The following DPY30 variants were observed in gnomAD, a reference collection of about 807,000 sequenced individuals.
The protein encoded by DPY30 is protein dpy-30 homolog.
Under a neutral mutation model 16.2 loss-of-function variants are expected in DPY30, and 6 were observed. The observed-to-expected ratio is 0.37, with a 90% CI of 0.20 to 0.73. DPY30 has a LOEUF of 0.73. Among genes scored for constraint, DPY30 ranks in the 30% least tolerant of loss-of-function variants. The pLI, the probability that DPY30 is intolerant of heterozygous loss-of-function variation, is 0.51. For synonymous variants in DPY30, 39 were observed against 38.8 expected, an observed-to-expected ratio of 1.00 and a Z score of -0.02; for missense variants, 73 against 113.1, an observed-to-expected ratio of 0.65 and a Z score of 1.61.
chr2:32,030,325 T>A (rs1318372774), intron 3 of DPY30, among the ~76,000 whole-genome samples: 1 of 151,978 alleles, frequency 6.6e-6, no homozygotes, highest in East Asian at 1.9e-4. Flanking sequence ...CAAAATCCAG[T>A]CTTTACCAAA....
chr2:32,035,943 A>G (rs1156323051), intron 3 of DPY30, among the ~76,000 whole-genome samples: 2 of 151,054 alleles, frequency 1.3e-5, no homozygotes, highest in African/African-American at 2.4e-5. Context: ...GAAGAAAAAA[A>G]AAAAAAAAAA....
At chr2:32,039,689 G>GT (rs771460862) in intron 1 of DPY30, 44 bp downstream of exon 1, 202 of 600,052 alleles carry the variant, frequency 3.4e-4, no homozygotes, top group Admixed American at 1.4e-3. Flanking sequence ...ACAGTCCCAA[G>GT]TACCTAGAAT....
chr2:32,017,383 A>G (rs74919520), intron 5 of DPY30, among the ~76,000 whole-genome samples: 22,925 of 151,640 alleles, frequency 0.15, 1,960 homozygotes, highest in African/African-American at 0.22. Flanking sequence ...TTGGGAGGCC[A>G]AGGCGGGCAG....
intron 5 of DPY30, among the ~76,000 whole-genome samples, chr2:32,018,640 T>A (rs1032075492): frequency 1.3e-5 from 2 of 151,726 alleles, no homozygotes; most frequent in Non-Finnish European, 2.9e-5. Flanking sequence ...GGCAGGAGAA[T>A]CACTTGAACC....
chr2:32,032,377 C>G (rs1049084415), intron 3 of DPY30, among the ~76,000 whole-genome samples: 1 of 152,208 alleles, frequency 6.6e-6, no homozygotes, highest in Non-Finnish European at 1.5e-5. Context: ...GCAGAAAACA[C>G]TATACAACTT....
intron 4 of DPY30, among the ~76,000 whole-genome samples, chr2:32,025,809 AAAC>A (rs914942492): frequency 9.2e-5 from 14 of 151,396 alleles, no homozygotes; most frequent in Non-Finnish European, 2.1e-4. Flanking sequence ...GGGAAAAAAA[AAAC>A]AACACCGTAC....
chr2:32,029,214 G>A (rs1675443834), intron 4 of DPY30, among the ~76,000 whole-genome samples: 1 of 152,174 alleles, frequency 6.6e-6, no homozygotes, highest in Non-Finnish European at 1.5e-5. Context: ...AGAGGTTGCA[G>A]TGAACGAGAT....
chr2:32,029,210 T>C (rs1421737530), intron 4 of DPY30, among the ~76,000 whole-genome samples: 1 of 152,114 alleles, frequency 6.6e-6, no homozygotes, highest in Non-Finnish European at 1.5e-5. Flanking sequence ...AGGTAGAGGT[T>C]GCAGTGAACG....
chr2:32,034,891 C>T (rs189923130), intron 3 of DPY30, among the ~76,000 whole-genome samples: 2 of 151,594 alleles, frequency 1.3e-5, no homozygotes, highest in South Asian at 2.1e-4. Context: ...TCCAGCTACT[C>T]GGGAGGCTGA....
intron 2 of DPY30, 46 bp downstream of exon 2, chr2:32,039,375 C>A: frequency 6.2e-7 from 1 of 1,614,186 alleles, no homozygotes. Context: ...CCCTTTCTCG[C>A]TGCCTCCCTG....
At chr2:32,011,677 C>A (rs979992308), downstream of DPY30, among the ~76,000 whole-genome samples, 1 of 152,200 alleles carries the variant, frequency 6.6e-6, no homozygotes, top group Non-Finnish European at 1.5e-5. Context: ...GTTATTGTTA[C>A]AAAGTACACC....
chr2:32,032,727 G>A lies in DPY30; in HGVS notation c.85-2991C>T, dbSNP rs138393332. ...AAAGAATAATTTTAGGCCGGGCACAGTGGCTCACGCCTATAATCCCAGCAC... is the reference window on the plus strand; with the variant it reads ...AAAGAATAATTTTAGGCCGGGCACAATGGCTCACGCCTATAATCCCAGCAC... On this transcript the variant is annotated intron_variant, in intron 3 of 4. Transcript: ENST00000342166. 8.2e-3 allele frequency among the ~76,000 whole-genome samples: 1,249 copies of A among 152,332 alleles called. 17 individuals are homozygous for A. The highest frequency in any genetic ancestry group is 0.012 in the Non-Finnish European group (840 of 68,034).
At chr2:32,013,921 T>C (rs951948718) in intron 5 of DPY30, among the ~76,000 whole-genome samples, 4 of 151,916 alleles carry the variant, frequency 2.6e-5, no homozygotes, top group Non-Finnish European at 4.4e-5. Context: ...GGCAGGAGAA[T>C]CGCTTGAACC....
At chr2:32,036,624 T>C (rs1264635174) in intron 3 of DPY30, among the ~76,000 whole-genome samples, 2 of 144,560 alleles carry the variant, frequency 1.4e-5, no homozygotes, top group Non-Finnish European at 3.0e-5. Context: ...TGAGCCAAGA[T>C]CACGCCACTG....
chr2:32,022,411 A>G (rs1675205292), downstream of DPY30, among the ~76,000 whole-genome samples: 1 of 152,300 alleles, frequency 6.6e-6, no homozygotes, highest in East Asian at 1.9e-4. Context: ...GTAAACCAAA[A>G]ACATAATACC....
At chr2:32,014,283 G>C (rs971811523) in intron 5 of DPY30, among the ~76,000 whole-genome samples, 1 of 152,162 alleles carries the variant, frequency 6.6e-6, no homozygotes, top group Non-Finnish European at 1.5e-5. Context: ...AGGAGTTCGA[G>C]ACCAGCCTGG....
intron 1 of DPY30, 95 bp from the exon 2 acceptor site, chr2:32,039,587 C>T (rs1036311660): frequency 2.0e-5 from 25 of 1,261,818 alleles, no homozygotes; most frequent in Non-Finnish European, 2.7e-5. Context: ...CGCCCCTCAC[C>T]CCCACCTGGG....
chr2:32,012,409 T>C (rs1674962407), intron 5 of DPY30, among the ~76,000 whole-genome samples: 1 of 136,986 alleles, frequency 7.3e-6, no homozygotes, highest in Non-Finnish European at 1.6e-5. Flanking sequence ...CCAAAACCTC[T>C]CTCTTTTTTC....
chr2:32,019,325 T>G (rs563531642), downstream of DPY30, among the ~76,000 whole-genome samples: 33 of 152,078 alleles, frequency 2.2e-4, no homozygotes, highest in Non-Finnish European at 4.4e-4. Flanking sequence ...AAAGAAAAAT[T>G]TAGACACACC....
Sources: gnomAD v4.1 joint callset for allele counts (sites outside exome capture counted in the v4.1 genomes callset) on GRCh38, gnomAD v4.1.1 for gene constraint, MANE v1.5 for transcripts, NCBI Gene and HGNC (gene_info 2026-07-23, HGNC 2026-07-21) for gene names.